Variants in SMG1 observed in about 807,000 individuals in gnomAD.
SMG1 encodes SMG1 nonsense mediated mRNA decay associated PI3K related kinase, also known as serine/threonine-protein kinase SMG1.
SMG1 carries 22 observed loss-of-function variants against 419.9 expected under a neutral mutation model. The observed-to-expected ratio is 0.05, with a 90% CI of 0.04 to 0.07. The LOEUF (loss-of-function observed/expected upper bound fraction) is 0.07. SMG1 is among the 10% of genes least tolerant of loss of function. The probability of loss-of-function intolerance (pLI) is 1.00; values close to 1 mark genes in which losing one functional copy is unlikely to be tolerated. For missense variants in SMG1, 3,185 were observed against 4,342.0 expected (o/e 0.73, Z 7.49); for synonymous variants, 1,538 against 1,553.5 (o/e 0.99, Z 0.23).
Position 18,852,076 on chromosome 16 carries a change from C to T in SMG1, c.5043G>A (p.Ala1681=), listed in dbSNP as rs775720454. 24 of 1,607,926 alleles carry T rather than the reference C, an allele frequency of 1.5e-5. No individual in the cohort carries two copies. Among genetic ancestry groups the T allele is most frequent in the East Asian group, 2.2e-5 (1 of 44,804 alleles). ...GILGQAVCRP[A]GIQDEDITLQ... ...ACCATGTTTTCCTTGCCTGAATCCCCGCCGGCCGACACACAGCCTGTCCAA... is the reference window on the plus strand; with the variant it reads ...ACCATGTTTTCCTTGCCTGAATCCCTGCCGGCCGACACACAGCCTGTCCAA... The change falls in exon 33 of 63, where the codon GCG becomes GCA. Residue 1681 remains alanine, a synonymous_variant. Coordinates refer to ENST00000446231, the MANE Select transcript of SMG1 (RefSeq NM_015092.5).
chr16:18,922,939 G>A (rs1450707476), intron 1 of SMG1, among the ~76,000 whole-genome samples: 2 of 152,160 alleles, frequency 1.3e-5, no homozygotes, highest in African/African-American at 2.4e-5. Flanking sequence ...AAAATGAGCC[G>A]GGCTGTTGGC....
chr16:18,913,509 T>C (rs988118413), intron 1 of SMG1, among the ~76,000 whole-genome samples: 1 of 150,708 alleles, frequency 6.6e-6, no homozygotes, highest in Non-Finnish European at 1.5e-5. Context: ...AAAAAGAAAA[T>C]GTTAGCAATG....
rs1364046329 is a variant in SMG1 at position 18,853,652 on chromosome 16, T to C, written c.4699A>G (p.Thr1567Ala). ...GLSTLSKNILTLIELPSVNTM... is the reference protein window; with the variant it reads ...GLSTLSKNILALIELPSVNTM... The stretch of plus-strand genomic sequence containing the variant: ...TTAACAGATGGCAGTTCTATTAGAG[T>C]GAGTATGTTTTTAGACAAAGTAGAA... The change falls in exon 31 of 63, where the codon ACT becomes GCT. Residue 1567 changes from threonine to alanine, a missense_variant. Around this residue, in one of 27 missense-constraint regions of SMG1, gnomAD observed 493 missense variants for 552.9 expected, o/e 0.89. Transcript: ENST00000446231. 2 of 1,611,786 alleles carry C rather than the reference T, an allele frequency of 1.2e-6. No individual in the cohort carries two copies. The highest frequency in any genetic ancestry group is 1.7e-6 in the Non-Finnish European group (2 of 1,178,846).
chr16:18,918,218 G>A (rs916709884), intron 1 of SMG1, among the ~76,000 whole-genome samples: 1 of 151,980 alleles, frequency 6.6e-6, no homozygotes, highest in African/African-American at 2.4e-5. Flanking sequence ...AGCCAAAATG[G>A]CACCATTGTG....
In SMG1 at chr16:18,836,429, C is replaced by T. The variant is rs2033578162; in HGVS notation, c.7708G>A (p.Ala2570Thr). 6.2e-7 allele frequency: 1 copy of T among 1,613,890 alleles called. No homozygotes were observed. The highest frequency in any genetic ancestry group is 8.5e-7 in the Non-Finnish European group (1 of 1,179,892). ...FEQWITHYQA[A>T]FNNLEATQLA... is the part of the protein sequence containing the mutation. ...TGTGTTGCTTCTAAATTATTGAATG[C>T]AGCCTGATAATGTGTTATCCATTGT... The change falls in exon 47 of 63, where the codon GCA (alanine) becomes ACA (threonine). Residue 2570 changes from alanine to threonine, a missense_variant. By Grantham distance (58) the Ala-to-Thr change is moderately conservative (BLOSUM62 0). Coordinates refer to ENST00000446231, the MANE Select transcript of SMG1 (RefSeq NM_015092.5).
chr16:18,908,914 T>A (rs1276120258), intron 1 of SMG1, among the ~76,000 whole-genome samples: 2 of 152,228 alleles, frequency 1.3e-5, no homozygotes, highest in East Asian at 3.9e-4. Context: ...CAACCATTTT[T>A]TTCAACTCCT....
In SMG1 at chr16:18,815,620, TC is replaced by T; in HGVS notation, c.10333del (p.Asp3445MetfsTer29). ...CCTAACACTGTTCTCATAGGGAACA[TC>T]TTCACCATCTGCCAGAGCAGCTTCT... ...DEEAALADGEDVPYENSVRQF... is the reference protein window; with the variant it reads ...DEEAALADGEXVPYENSVRQF... On this transcript the variant is annotated frameshift_variant, in exon 59 of 63. Transcript: ENST00000446231. LOFTEE classifies it high-confidence loss of function. 1 of 1,613,906 alleles carries T rather than the reference TC, an allele frequency of 6.2e-7. No individual in the cohort carries two copies. The highest frequency in any genetic ancestry group is 8.5e-7 in the Non-Finnish European group (1 of 1,179,802).
At chr16:18,910,554 G>A (rs893250366) in intron 1 of SMG1, among the ~76,000 whole-genome samples, 27 of 151,398 alleles carry the variant, frequency 1.8e-4, no homozygotes, top group African/African-American at 6.1e-4. Context: ...TTGTAGAAAC[G>A]AGGTCTCACT....
intron 15 of SMG1, 31 bp downstream of exon 15, chr16:18,872,153 G>T: frequency 1.6e-6 from 2 of 1,231,188 alleles, no homozygotes; most frequent in Non-Finnish European, 2.2e-6. Flanking sequence ...AACAAAGTTA[G>T]GAATAGTTAA....
chr16:18,877,799 A>G (rs1056449018), intron 11 of SMG1: 1 of 152,326 alleles, frequency 6.6e-6, no homozygotes, highest in Non-Finnish European at 1.5e-5. Flanking sequence ...CTGTGACATT[A>G]AAGTGTTTAG....
Position 18,896,798 on chromosome 16 carries a change from T to C in SMG1, c.251A>G (p.Glu84Gly), listed in dbSNP as rs1327397301. 2 of 1,603,676 alleles carry C rather than the reference T, an allele frequency of 1.2e-6. No homozygotes were observed. The highest frequency in any genetic ancestry group is 1.3e-5 in the African/African-American group (1 of 74,702). The change falls in exon 2 of 63, where the codon GAA becomes GGA. Residue 84 changes from glutamate to glycine, a missense_variant. Physicochemically the swap from Glu to Gly is moderately conservative, Grantham distance 98. This residue lies in a region of SMG1 where 42 missense variants were observed against 100.1 expected (regional missense o/e 0.42). Transcript: ENST00000446231. The part of the protein sequence containing the change: ...TRVHADIQND[E>G]KGGYSVNGGS... ...CAATAAGAAAATATATATACCCTTT[T>C]CGTCATTCTGTATGTCAGCGTGGAC...
chr16:18,846,577 AT>A (rs1320365888), intron 38 of SMG1, among the ~76,000 whole-genome samples: 2 of 152,210 alleles, frequency 1.3e-5, no homozygotes, highest in Admixed American at 1.3e-4. Flanking sequence ...TTGTAATGAC[AT>A]TTCTCCAAAG....
intron 3 of SMG1, 132 bp from the exon 4 acceptor site, chr16:18,892,486 T>A (rs2036927329): frequency 1.5e-6 from 1 of 680,080 alleles, no homozygotes; most frequent in Non-Finnish European, 2.3e-6. Flanking sequence ...TCCCAGTACT[T>A]TGGAAGGCGG....
chr16:18,843,686 A>T (rs1489468011), intron 39 of SMG1, among the ~76,000 whole-genome samples: 1 of 152,222 alleles, frequency 6.6e-6, no homozygotes, highest in Non-Finnish European at 1.5e-5. Flanking sequence ...ATATGGCAGT[A>T]AAAAGAAGTA....
Position 18,852,290 on chromosome 16 carries a change from CATAA to C in SMG1, c.4913+24_4913+27del, listed in dbSNP as rs768761010. 3.1e-5 allele frequency: 49 copies of C among 1,604,514 alleles called. No homozygotes were observed. In the East Asian group the frequency reaches 9.6e-4, roughly 31 times the overall value. On this transcript the variant is annotated intron_variant, in intron 32 of 62. Transcript: ENST00000446231. ...CATTTAAATATCTATTTATGCAATG[CATAA>C]ATAAACTACACATTTAAACATACCT...
In SMG1 at chr16:18,838,590, C is replaced by T; in HGVS notation, c.7045G>A (p.Glu2349Lys). Reference sequence around the variant, plus strand: ...ACATTGTAATCTATGTGAACAACTTCTCCAGTCGTCATATCTATAAGAACA... The same window carrying T: ...ACATTGTAATCTATGTGAACAACTTTTCCAGTCGTCATATCTATAAGAACA... ...DNVLIDMTTG[E>K]VVHIDYNVCF... The change falls in exon 43 of 63, where the codon GAA becomes AAA. Residue 2349 changes from glutamate to lysine, a missense_variant. This residue lies in a region of SMG1 where 60 missense variants were observed against 133.9 expected (regional missense o/e 0.45). Transcript: ENST00000446231. 1.2e-6 allele frequency: 2 copies of T among 1,613,518 alleles called. No individual in the cohort carries two copies. Among genetic ancestry groups the T allele is most frequent in the Non-Finnish European group, 1.7e-6 (2 of 1,179,470 alleles).
intron 55 of SMG1, among the ~76,000 whole-genome samples, chr16:18,820,992 T>C (rs569406753): frequency 6.6e-6 from 1 of 152,288 alleles, no homozygotes; most frequent in East Asian, 1.9e-4. Flanking sequence ...ACTATAATAG[T>C]TCAGAAAAAT....
At position 18,805,549 on chromosome 16, in the gene SMG1, C is replaced by G. The variant is rs2030743345; in HGVS notation, c.*4020G>C. The G allele has an allele frequency of 6.6e-6, 1 of 152,100 alleles. No individual in the cohort carries two copies. The highest frequency in any genetic ancestry group is 2.4e-5 in the African/African-American group (1 of 41,382). The allele number at this position is 152,100 out of a possible 1,614,324, so 9.4% of individuals were successfully genotyped here. A position where few individuals can be genotyped will look rare whatever the true frequency, so the allele number is the denominator to read the frequency against. On this transcript the variant is annotated 3_prime_UTR_variant, in exon 63 of 63. Coordinates refer to ENST00000446231, the MANE Select transcript of SMG1 (RefSeq NM_015092.5). ...AAATAAGGATGGTGATACTGTTATC[C>G]AGGCCTAAAAAGCAGGAAGTGCAAC...
chr16:18,901,979 G>A (rs1280051419), intron 1 of SMG1, among the ~76,000 whole-genome samples: 1 of 149,826 alleles, frequency 6.7e-6, no homozygotes, highest in African/African-American at 2.5e-5. Flanking sequence ...TGGGGGGAAG[G>A]TGTCCTTGTT....
Sources: gnomAD v4.1 joint callset for allele counts (sites outside exome capture counted in the v4.1 genomes callset) on GRCh38, gnomAD v4.1.1 for gene constraint, gnomAD v4.1.1 regional missense constraint, MANE v1.5 for transcripts, NCBI Gene and HGNC (gene_info 2026-07-23, HGNC 2026-07-21) for gene names.